EPM2A: variants seen among roughly 807,000 people sequenced by gnomAD.
EPM2A encodes laforin.
Under a neutral mutation model 26.5 loss-of-function variants are expected in EPM2A, and 21 were observed. That is an observed-to-expected ratio of 0.79 (90% CI 0.56 to 1.14). The LOEUF (loss-of-function observed/expected upper bound fraction) is 1.14, where lower values mean the gene tolerates loss of function less well. Among genes scored for constraint, EPM2A ranks in the 50% most tolerant of loss-of-function variants. The pLI is 0.00. For synonymous variants in EPM2A, 217 were observed against 177.6 expected (o/e 1.22, Z -1.76); for missense variants, 458 against 440.8 (o/e 1.04, Z -0.35).
intron 4 of EPM2A, among the ~76,000 whole-genome samples, chr6:145,462,244 G>A (rs1216461365): frequency 6.6e-6 from 1 of 152,166 alleles, no homozygotes; most frequent in Non-Finnish European, 1.5e-5. Context: ...GAAGAAAGGA[G>A]ACTATATTAA....
intron 4 of EPM2A, among the ~76,000 whole-genome samples, chr6:145,421,272 T>C (rs1206902212): frequency 6.6e-6 from 1 of 152,166 alleles, no homozygotes. Flanking sequence ...GTGAGAAGAT[T>C]ATATTCCATA....
intron 4 of EPM2A, among the ~76,000 whole-genome samples, chr6:145,403,890 G>T: frequency 6.6e-6 from 1 of 152,100 alleles, no homozygotes; most frequent in East Asian, 1.9e-4. Flanking sequence ...AACAGTGTAC[G>T]AGGGTTCCCT....
At chr6:145,609,304 G>C (rs1775340497) in intron 2 of EPM2A, among the ~76,000 whole-genome samples, 1 of 152,094 alleles carries the variant, frequency 6.6e-6, no homozygotes, top group Non-Finnish European at 1.5e-5. Flanking sequence ...ACTGGGTCCA[G>C]GAATGAACAA....
At chr6:145,451,898 T>C (rs1582766187) in intron 4 of EPM2A, among the ~76,000 whole-genome samples, 1 of 151,966 alleles carries the variant, frequency 6.6e-6, no homozygotes, top group Non-Finnish European at 1.5e-5. Flanking sequence ...TTTTAAGGAG[T>C]GTAAAAGGTT....
intron 2 of EPM2A, among the ~76,000 whole-genome samples, chr6:145,616,453 G>A (rs189727578): frequency 5.3e-5 from 8 of 152,350 alleles, no homozygotes; most frequent in South Asian, 2.1e-4. Context: ...CTAGGGCAGC[G>A]AGGAAGGGAA....
intron 4 of EPM2A, among the ~76,000 whole-genome samples, chr6:145,401,587 G>A (rs906352115): frequency 4.6e-5 from 7 of 152,082 alleles, no homozygotes; most frequent in Admixed American, 3.9e-4. Flanking sequence ...TTTAAGATGG[G>A]ACTGACATTA....
In EPM2A at chr6:145,603,366, C is replaced by A. The variant is rs1249970929; in HGVS notation, c.340+31879G>T. On this transcript the variant is annotated intron_variant, in intron 2 of 3. Transcript: ENST00000450221. ...GTAATTGGATGAGAAGTTATTCTTG[C>A]CTGAACCCTGAGCCCATCAGGTTCT... is the stretch of plus-strand genomic sequence containing the variant. 2.0e-5 allele frequency among the ~76,000 whole-genome samples: 3 copies of A among 151,882 alleles called. No individual in the cohort carries two copies. In the East Asian group the frequency reaches 5.8e-4, roughly 29 times the overall value.
chr6:145,589,930 TAAGA>T (rs1781249070), intron 2 of EPM2A, among the ~76,000 whole-genome samples: 2 of 150,842 alleles, frequency 1.3e-5, no homozygotes, highest in African/African-American at 4.9e-5. Flanking sequence ...CTCCCATCCT[TAAGA>T]TAAGAATTTT....
chr6:145,600,714 A>C (rs772733845), intron 2 of EPM2A, among the ~76,000 whole-genome samples: 1 of 152,184 alleles, frequency 6.6e-6, no homozygotes, highest in Non-Finnish European at 1.5e-5. Flanking sequence ...TTCCTCCTGG[A>C]GTTTGGTGAT....
At chr6:145,617,510 A>G (rs192731360) in intron 2 of EPM2A, among the ~76,000 whole-genome samples, 14 of 152,378 alleles carry the variant, frequency 9.2e-5, no homozygotes, top group Middle Eastern at 3.4e-3. Flanking sequence ...CGTTATTAAA[A>G]TGCTTAAAAC....
At chr6:145,489,694 G>A (rs2096849651) in intron 4 of EPM2A, 1 of 1,403,128 alleles carries the variant, frequency 7.1e-7, no homozygotes, top group Non-Finnish European at 1.0e-6. Flanking sequence ...AGAATCCACT[G>A]TTGGCTTGCT....
chr6:145,627,205 T>A lies in EPM2A; in HGVS notation c.*211A>T. The A allele has an allele frequency of 6.9e-7, 1 of 1,443,356 alleles. No homozygotes were observed. Among genetic ancestry groups the A allele is most frequent in the South Asian group, 1.5e-5 (1 of 68,672 alleles). 89.4% of individuals were successfully genotyped at this position (1,443,356 alleles called of 1,614,324 possible). On this transcript the variant is annotated 3_prime_UTR_variant, in exon 4 of 4. Coordinates refer to ENST00000367519, the MANE Select transcript of EPM2A (RefSeq NM_005670.4). ...CCTAACTGCTTCGTGCTTCTTCTCA[T>A]GTGTTGAGCCACAGCTTTCTTGTAG...
At chr6:145,545,129 C>T (rs1170074886) in intron 2 of EPM2A, among the ~76,000 whole-genome samples, 1 of 152,158 alleles carries the variant, frequency 6.6e-6, no homozygotes, top group Non-Finnish European at 1.5e-5. Flanking sequence ...TCCAGTCCAC[C>T]ATTATCTTCT....
intron 4 of EPM2A, among the ~76,000 whole-genome samples, chr6:145,482,441 T>C (rs988597476): frequency 2.6e-5 from 4 of 152,128 alleles, no homozygotes; most frequent in Admixed American, 1.3e-4. Context: ...TATTACAGCA[T>C]GTAGGTGACA....
chr6:145,508,633 T>A (rs937862511), intron 2 of EPM2A, among the ~76,000 whole-genome samples: 3 of 152,156 alleles, frequency 2.0e-5, no homozygotes, highest in African/African-American at 7.2e-5. Context: ...AGGAGAAATG[T>A]CAGCTCCCTC....
intron 1 of EPM2A, among the ~76,000 whole-genome samples, chr6:145,734,343 A>G (rs1776687829): frequency 6.6e-6 from 1 of 152,202 alleles, no homozygotes; most frequent in Non-Finnish European, 1.5e-5. Flanking sequence ...GAATTACTAT[A>G]CAATTTTTGT....
intron 1 of EPM2A, among the ~76,000 whole-genome samples, chr6:145,727,507 T>C (rs1337035679): frequency 7.0e-6 from 1 of 142,998 alleles, no homozygotes; most frequent in East Asian, 2.0e-4. Flanking sequence ...TAGCCCATGA[T>C]AAAAAAAAAA....
chr6:145,705,567 C>A, intron 1 of EPM2A: 1 of 456,198 alleles, frequency 2.2e-6, no homozygotes, highest in Admixed American at 2.4e-5. Flanking sequence ...AACAAACAAA[C>A]AAAGAAAAAG....
At chr6:145,697,120 G>C (rs181911908) in intron 1 of EPM2A, among the ~76,000 whole-genome samples, 1 of 152,210 alleles carries the variant, frequency 6.6e-6, no homozygotes, top group African/African-American at 2.4e-5. Context: ...GATATTTCAC[G>C]TAGGTTCTTT....
Sources: gnomAD v4.1 joint callset for allele counts (sites outside exome capture counted in the v4.1 genomes callset) on GRCh38, gnomAD v4.1.1 for gene constraint, MANE v1.5 for transcripts, NCBI Gene and HGNC (gene_info 2026-07-23, HGNC 2026-07-21) for gene names.